The following USP4 variants were observed in gnomAD, a reference collection of about 807,000 sequenced individuals.
USP4 encodes the protein ubiquitin carboxyl-terminal hydrolase 4.
A neutral mutation model predicts 118.2 loss-of-function variants in USP4; 72 were observed. The ratio of observed to expected loss-of-function variants is 0.61; its 90% CI spans 0.50 to 0.74. The LOEUF (loss-of-function observed/expected upper bound fraction) is 0.74. Ranked by LOEUF, USP4 falls within the 30% of genes least tolerant of loss-of-function variation. USP4 has a pLI of 0.00. For synonymous variants in USP4, 415 were observed against 440.4 expected (o/e 0.94, Z 0.72); for missense variants, 1,037 against 1,185.7 (o/e 0.87, Z 1.84).
intron 8 of USP4, among the ~76,000 whole-genome samples, chr3:49,308,807 C>G (rs1428116631): frequency 6.6e-6 from 1 of 151,364 alleles, no homozygotes; most frequent in Admixed American, 6.6e-5. Flanking sequence ...GTGGGTGGAT[C>G]ACCTGAGGCC....
intron 10 of USP4, among the ~76,000 whole-genome samples, chr3:49,301,852 C>G (rs536838144): frequency 6.6e-6 from 1 of 152,122 alleles, no homozygotes; most frequent in African/African-American, 2.4e-5. Context: ...TTGCACTGAT[C>G]AGATAATCAA....
At chr3:49,279,775 C>T (rs537528270) in intron 20 of USP4, among the ~76,000 whole-genome samples, 1 of 152,290 alleles carries the variant, frequency 6.6e-6, no homozygotes, top group South Asian at 2.1e-4. Context: ...GAAAGGGCAA[C>T]AGAGAAGGTG....
rs769796826 is a variant in USP4 at position 49,304,857 on chromosome 3, AG to A, written c.1128+857del. ...CGGCTCACTGCACCCTCCACCTCCC[AG>A]GTTCAAGCAATTCTCCTGCCTCAGC... On this transcript the variant is annotated intron_variant, in intron 9 of 21. Coordinates refer to ENST00000265560, the MANE Select transcript of USP4 (RefSeq NM_003363.4). Among the ~76,000 whole-genome samples, 10 of 150,922 alleles carry A rather than the reference AG, an allele frequency of 6.6e-5. No homozygotes were observed. In the East Asian group the frequency reaches 2.0e-3, roughly 30 times the overall value.
At chr3:49,315,470 G>A (rs996414565) in intron 6 of USP4, among the ~76,000 whole-genome samples, 1 of 152,188 alleles carries the variant, frequency 6.6e-6, no homozygotes, top group Non-Finnish European at 1.5e-5. Flanking sequence ...TCAGGCAACT[G>A]TGGAACAAAC....
chr3:49,305,813 G>C lies in USP4; in HGVS notation c.1030C>G (p.Pro344Ala), dbSNP rs752507659. The C allele has an allele frequency of 6.2e-7, 1 of 1,613,962 alleles. No homozygotes were observed. Among genetic ancestry groups the C allele is most frequent in the Admixed American group, 1.7e-5 (1 of 59,968 alleles). ...GCAATTTCCCCTTTCATCCCCAGAGGGTTGTCTCTGTTGATTTCGGCTTCA... is the reference window on the plus strand; with the variant it reads ...GCAATTTCCCCTTTCATCCCCAGAGCGTTGTCTCTGTTGATTTCGGCTTCA... ...EYEAEINRDNPLGMKGEIAEA... is the reference protein window; with the variant it reads ...EYEAEINRDNALGMKGEIAEA... Residue 344 changes from proline to alanine, a missense_variant, in exon 9 of 22, where the codon CCT (proline) becomes GCT (alanine). Physicochemically the swap from Pro to Ala is conservative, Grantham distance 27. This residue lies in a region of USP4 where 487 missense variants were observed against 534.1 expected (regional missense o/e 0.91). Coordinates refer to ENST00000265560, the MANE Select transcript of USP4 (RefSeq NM_003363.4).
At chr3:49,298,702 GC>G (rs1210941342) in intron 11 of USP4, 67 bp from the exon 12 acceptor site, 2 of 1,409,484 alleles carry the variant, frequency 1.4e-6, no homozygotes, top group African/African-American at 2.8e-5. Context: ...ATTAGGAGAA[GC>G]AGGCATCACT....
chr3:49,282,106 T>C (rs1423110174), intron 19 of USP4, among the ~76,000 whole-genome samples: 1 of 152,078 alleles, frequency 6.6e-6, no homozygotes, highest in Non-Finnish European at 1.5e-5. Flanking sequence ...AAAATGGTGA[T>C]GAGGGTCTAG....
intron 19 of USP4, among the ~76,000 whole-genome samples, chr3:49,281,525 CACACACAT>C (rs1251365453): frequency 0.014 from 2,061 of 148,840 alleles, 62 homozygotes; most frequent in African/African-American, 0.049. Context: ...CACACACACA[CACACACAT>C]ATATACATTT....
At chr3:49,283,917 T>A in intron 19 of USP4, 70 bp downstream of exon 19, 1 of 1,587,002 alleles carries the variant, frequency 6.3e-7, no homozygotes, top group Admixed American at 1.7e-5. Flanking sequence ...GGCAAACCAC[T>A]CAGCCAATCA....
intron 3 of USP4, 113 bp downstream of exon 3, chr3:49,327,573 C>A: frequency 8.7e-7 from 1 of 1,149,198 alleles, no homozygotes. Context: ...AGGCCTCAAG[C>A]ACCACTATTC....
At chr3:49,330,549 T>TC (rs2047605923) in intron 2 of USP4, among the ~76,000 whole-genome samples, 2 of 150,840 alleles carry the variant, frequency 1.3e-5, no homozygotes, top group African/African-American at 4.9e-5. Flanking sequence ...GCCAGGATGG[T>TC]CTCAATCTCC....
At chr3:49,327,864 T>C (rs1353899563) in intron 2 of USP4, 48 bp from the exon 3 acceptor site, 1 of 1,557,084 alleles carries the variant, frequency 6.4e-7, no homozygotes, top group Non-Finnish European at 8.8e-7. Context: ...ACCCCAGAAA[T>C]GATGGTTTTA....
rs377147780 is a variant in USP4, at chr3:49,327,067, A to G, written c.360+619T>C. On this transcript the variant is annotated intron_variant, in intron 3 of 21. Transcript: ENST00000265560. ...TTTTTTAAGATAAACAAGATGCAGG[A>G]CATTAGCTATATGTCCATATGCCCC... Among the ~76,000 whole-genome samples, 10 of 152,294 alleles carry G rather than the reference A, an allele frequency of 6.6e-5. No individual in the cohort carries two copies. The South Asian group carries it at 2.1e-3, about 32-fold the overall frequency.
intron 13 of USP4, among the ~76,000 whole-genome samples, chr3:49,296,472 G>A (rs1559468573): frequency 6.6e-6 from 1 of 151,674 alleles, no homozygotes; most frequent in Admixed American, 6.6e-5. Context: ...ACACGGTGAA[G>A]CCCTGGCTCT....
chr3:49,284,709 G>A, intron 17 of USP4, 125 bp from the exon 18 acceptor site: 1 of 1,244,476 alleles, frequency 8.0e-7, no homozygotes, highest in African/African-American at 1.5e-5. Context: ...AATATAAAAT[G>A]ACAAAATCTT....
chr3:49,278,124 T>C lies in USP4; in HGVS notation c.*169A>G, dbSNP rs2046981345. Reference sequence around the variant, plus strand: ...TAATTCAGCCTCTTGACATAGCTTCTTCTAGGTAAACGGTCTTCTTTTTTT... The same window carrying C: ...TAATTCAGCCTCTTGACATAGCTTCCTCTAGGTAAACGGTCTTCTTTTTTT... On this transcript the variant is annotated 3_prime_UTR_variant, in exon 22 of 22. Transcript: ENST00000265560. The C allele has an allele frequency of 8.0e-6, 6 of 754,682 alleles. No homozygotes were observed. In the East Asian group the frequency reaches 1.8e-4, roughly 23 times the overall value. The allele number at this position is 754,682 out of a possible 1,614,324, so 46.7% of individuals were successfully genotyped here.
intron 6 of USP4, 197 bp from the exon 7 acceptor site, chr3:49,311,851 A>G: frequency 2.3e-6 from 3 of 1,277,070 alleles, no homozygotes; most frequent in Non-Finnish European, 2.0e-6. Context: ...TTCCTGTCAC[A>G]TCAGTCCACA....
rs537740664 is a variant in USP4, at chr3:49,339,967, G to A, written c.58C>T (p.Leu20Phe). 3.1e-6 allele frequency: 5 copies of A among 1,612,872 alleles called. No homozygotes were observed. The South Asian group carries it at 3.3e-5, about 11-fold the overall frequency. The change falls in exon 1 of 22, where the codon CTT becomes TTT. Residue 20 changes from leucine (L) to phenylalanine (F), a missense_variant. Physicochemically the swap from Leu to Phe is conservative, Grantham distance 22. This residue lies in a region of USP4 where 487 missense variants were observed against 534.1 expected (regional missense o/e 0.91). Transcript: ENST00000265560. Reference protein sequence around the residue: ...RPDAETQKSELGPLMRTTLQR... With the variant: ...RPDAETQKSEFGPLMRTTLQR... ...AGTGTGGTCCTCATTAAGGGTCCAA[G>A]CTCGGACTTCTGAGTCTCCGCATCC...
chr3:49,316,240 G>A (rs535851785), intron 6 of USP4, among the ~76,000 whole-genome samples: 18 of 152,016 alleles, frequency 1.2e-4, no homozygotes, highest in Non-Finnish European at 2.1e-4. Flanking sequence ...AGTATCCAGC[G>A]TCTGGTACCT....
Sources: gnomAD v4.1 joint callset for allele counts (sites outside exome capture counted in the v4.1 genomes callset) on GRCh38, gnomAD v4.1.1 for gene constraint, gnomAD v4.1.1 regional missense constraint, MANE v1.5 for transcripts, NCBI Gene and HGNC (gene_info 2026-07-23, HGNC 2026-07-21) for gene names.